RERE: variants seen among roughly 807,000 people sequenced by gnomAD.
RERE encodes the protein arginine-glutamic acid dipeptide repeats protein.
RERE carries 40 observed loss-of-function variants against 146.1 expected under a neutral mutation model. That is an observed-to-expected ratio of 0.27 (90% CI 0.21 to 0.36). The LOEUF (loss-of-function observed/expected upper bound fraction) is 0.36, where lower values mean the gene tolerates loss of function less well. RERE is among the 10% of genes least tolerant of loss of function. RERE has a pLI of 1.00. For synonymous variants in RERE, 1,003 were observed against 866.0 expected, an observed-to-expected ratio of 1.16 and a Z score of -2.78; for missense variants, 1,933 against 2,138.7, an observed-to-expected ratio of 0.90 and a Z score of 1.90.
In RERE at chr1:8,656,205, C is replaced by T. The variant is rs781421081; in HGVS notation, c.93G>A (p.Glu31=). 24 of 1,613,740 alleles carry T rather than the reference C, an allele frequency of 1.5e-5. No homozygotes were observed. The highest frequency in any genetic ancestry group is 1.9e-5 in the Non-Finnish European group (22 of 1,179,732). Residue 31 remains glutamate (E), a synonymous_variant, in exon 2 of 23, where the codon GAG becomes GAA. Transcript: ENST00000400908. ...REREKRDKAR[E]SENSRPRRSC... ...TCCGGCGTGGCCTTGAATTCTCACT[C>T]TCTCTTGCTTTGTCTCTTTTCTCTC... is the stretch of plus-strand genomic sequence containing the variant.
chr1:8,721,894 A>G (rs1209927264), intron 1 of RERE, among the ~76,000 whole-genome samples: 2 of 152,358 alleles, frequency 1.3e-5, no homozygotes, highest in East Asian at 3.9e-4. Flanking sequence ...GGAGCTGAAC[A>G]GTCAGCTACC....
At chr1:8,445,742 T>A (rs1489422403) in intron 11 of RERE, among the ~76,000 whole-genome samples, 1 of 152,084 alleles carries the variant, frequency 6.6e-6, no homozygotes, top group Admixed American at 6.6e-5. Flanking sequence ...TTACATAGTT[T>A]ACACGTACCA....
At chr1:8,548,182 A>C (rs1182760672) in intron 6 of RERE, among the ~76,000 whole-genome samples, 5 of 152,220 alleles carry the variant, frequency 3.3e-5, no homozygotes, top group African/African-American at 1.2e-4. Flanking sequence ...TGTGAAAAGA[A>C]AATGCTGGAA....
At chr1:8,598,804 A>T (rs887389721) in intron 4 of RERE, among the ~76,000 whole-genome samples, 4 of 152,190 alleles carry the variant, frequency 2.6e-5, no homozygotes, top group African/African-American at 9.7e-5. Flanking sequence ...TGCTACAGAG[A>T]TCAACGTCTT....
Position 8,669,024 on chromosome 1 carries a change from C to CTGTGTG in RERE, c.-144-12589_-144-12584dup, listed in dbSNP as rs59647434. On this transcript the variant is annotated intron_variant, in intron 1 of 22. Transcript: ENST00000400908. ...TGAATATTCTAAAATGCACTCAACT[C>CTGTGTG]TGTGTGTGTGTGTGTGTGTGTGTGT... Among the ~76,000 whole-genome samples the CTGTGTG allele has an allele frequency of 7.7e-3, 337 of 43,708 alleles. 11 individuals are homozygous for CTGTGTG. The highest frequency in any genetic ancestry group is 0.019 in the South Asian group (23 of 1,238). 28.7% of individuals were successfully genotyped at this position (43,708 alleles called of 152,430 possible). A position where few individuals can be genotyped will look rare whatever the true frequency, so the allele number is the denominator to read the frequency against.
At position 8,787,049 on chromosome 1, in the gene RERE, T is replaced by C. The variant is rs1641271792; in HGVS notation, c.-145+30111A>G. ...CCTGATGAAAACCTTCCAGTGGCAT[T>C]ATACTTGGAATGAAAGCCAGAGGTC... On this transcript the variant is annotated intron_variant, in intron 1 of 22. Coordinates refer to ENST00000400908, the MANE Select transcript of RERE (RefSeq NM_001042681.2). 1.3e-5 allele frequency: 7 copies of C among 542,594 alleles called. No homozygotes were observed. The Admixed American group carries it at 1.9e-4, about 15-fold the overall frequency. The allele number at this position is 542,594 out of a possible 1,614,324, so 33.6% of individuals were successfully genotyped here. A position where few individuals can be genotyped will look rare whatever the true frequency, so the allele number is the denominator to read the frequency against.
chr1:8,355,404 A>G lies in RERE; in HGVS notation c.4667+15T>C, dbSNP rs1462563439. On this transcript the variant is annotated intron_variant, in intron 22 of 22. Coordinates refer to ENST00000400908, the MANE Select transcript of RERE (RefSeq NM_001042681.2). Reference sequence around the variant, plus strand: ...TCAGATAACCCCTCCACTCCCTCCCAGCACCCCACCTCACCTGTAATAATC... The same window carrying G: ...TCAGATAACCCCTCCACTCCCTCCCGGCACCCCACCTCACCTGTAATAATC... 1 of 1,611,172 alleles carries G rather than the reference A, an allele frequency of 6.2e-7. No individual in the cohort carries two copies. The highest frequency in any genetic ancestry group is 1.3e-5 in the African/African-American group (1 of 75,026).
intron 7 of RERE, among the ~76,000 whole-genome samples, chr1:8,536,018 A>C (rs1410950584): frequency 6.6e-6 from 1 of 151,218 alleles, no homozygotes; most frequent in East Asian, 1.9e-4. Context: ...AGGCAGGAGA[A>C]TTGCTTGAAC....
At chr1:8,575,066 C>T (rs932745390) in intron 4 of RERE, among the ~76,000 whole-genome samples, 13 of 152,160 alleles carry the variant, frequency 8.5e-5, no homozygotes, top group African/African-American at 3.1e-4. Context: ...AAGCTGGCAA[C>T]AATTGTTGCC....
chr1:8,464,580 T>G (rs116609081), intron 11 of RERE, among the ~76,000 whole-genome samples: 3,052 of 152,260 alleles, frequency 0.02, 45 homozygotes, highest in Middle Eastern at 0.041. Flanking sequence ...ATCTGCTCCC[T>G]CTAGGGCACC....
At chr1:8,476,601 G>A (rs543536218) in intron 10 of RERE, among the ~76,000 whole-genome samples, 63 of 152,208 alleles carry the variant, frequency 4.1e-4, no homozygotes, top group Non-Finnish European at 6.8e-4. Context: ...CATTTGCTCA[G>A]TCTGGAAAAT....
intron 2 of RERE, among the ~76,000 whole-genome samples, chr1:8,644,627 A>C (rs925120221): frequency 5.9e-5 from 9 of 152,204 alleles, no homozygotes; most frequent in Non-Finnish European, 1.2e-4. Context: ...AATCACCATT[A>C]GCCTATGTAT....
At chr1:8,490,651 G>T (rs1644968765) in intron 10 of RERE, among the ~76,000 whole-genome samples, 1 of 150,296 alleles carries the variant, frequency 6.7e-6, no homozygotes, top group African/African-American at 2.5e-5. Flanking sequence ...AACACAACTG[G>T]CTCTCAAAAT....
chr1:8,366,032 C>T, intron 12 of RERE, 58 bp from the exon 13 acceptor site: 2 of 1,546,234 alleles, frequency 1.3e-6, no homozygotes, highest in Non-Finnish European at 1.8e-6. Context: ...GTGCCCCACG[C>T]ACCCTCTCTG....
intron 11 of RERE, among the ~76,000 whole-genome samples, chr1:8,454,252 T>C (rs1644423769): frequency 1.3e-5 from 2 of 152,230 alleles, no homozygotes; most frequent in African/African-American, 4.8e-5. Context: ...GAACTTTCAG[T>C]AACAAAAGGA....
At chr1:8,543,942 C>G (rs944213034) in intron 6 of RERE, among the ~76,000 whole-genome samples, 8 of 152,174 alleles carry the variant, frequency 5.3e-5, no homozygotes, top group Admixed American at 5.2e-4. Context: ...AAACATTTCA[C>G]TTTTTTATCC....
chr1:8,537,290 G>C (rs1171189689), intron 7 of RERE, among the ~76,000 whole-genome samples: 1 of 152,152 alleles, frequency 6.6e-6, no homozygotes, highest in African/African-American at 2.4e-5. Flanking sequence ...AAATCCTTAG[G>C]ATGAGAGGTT....
intron 1 of RERE, among the ~76,000 whole-genome samples, chr1:8,806,463 G>GGA (rs1641695609): frequency 1.3e-5 from 2 of 152,082 alleles, no homozygotes; most frequent in African/African-American, 4.8e-5. Flanking sequence ...CCCAGGAGGC[G>GGA]GAGGTTGCAG....
At chr1:8,688,293 T>C (rs903094551) in intron 1 of RERE, among the ~76,000 whole-genome samples, 4 of 152,082 alleles carry the variant, frequency 2.6e-5, no homozygotes, top group African/African-American at 9.7e-5. Flanking sequence ...AGGCCAGGCA[T>C]GGTGGCTCAT....
Sources: allele counts gnomAD v4.1 joint callset (sites outside exome capture counted in the v4.1 genomes callset), GRCh38; gene constraint gnomAD v4.1.1; transcripts MANE v1.5; gene names NCBI Gene and HGNC (gene_info 2026-07-23, HGNC 2026-07-21).